The following RBFOX1 variants were observed in gnomAD, a reference collection of about 807,000 sequenced individuals.
The protein encoded by RBFOX1 is RNA binding fox-1 homolog 1, also known as RNA binding protein fox-1 homolog 1.
Under a neutral mutation model 57.7 loss-of-function variants are expected in RBFOX1, and 8 were observed. The observed-to-expected ratio is 0.14, with a 90% CI of 0.08 to 0.25. The LOEUF is 0.25. Ranked by LOEUF, RBFOX1 falls within the 10% of genes least tolerant of loss-of-function variation. RBFOX1 has a pLI of 1.00. For synonymous variants in RBFOX1, 326 were observed against 222.4 expected (o/e 1.47, Z -4.15); for missense variants, 611 against 548.5 (o/e 1.11, Z -1.14).
At chr16:6,429,600 A>G (rs2094021095) in intron 2 of RBFOX1, among the ~76,000 whole-genome samples, 1 of 152,204 alleles carries the variant, frequency 6.6e-6, no homozygotes, top group African/African-American at 2.4e-5. Flanking sequence ...GAAATGTAAT[A>G]ATCCCCATGT....
chr16:5,924,825 C>G (rs2058908260), intron 4 of RBFOX1, among the ~76,000 whole-genome samples: 1 of 152,152 alleles, frequency 6.6e-6, no homozygotes, highest in African/African-American at 2.4e-5. Context: ...TGTGTTCCTT[C>G]CCAAGGATGG....
At chr16:5,825,057 A>C (rs181405490) in intron 3 of RBFOX1, among the ~76,000 whole-genome samples, 337 of 152,308 alleles carry the variant, frequency 2.2e-3, no homozygotes, top group Admixed American at 6.6e-3. Flanking sequence ...GGAGAGTTTG[A>C]CTAAGAAGTT....
At chr16:6,103,641 A>G (rs561202081) in intron 1 of RBFOX1, among the ~76,000 whole-genome samples, 1 of 152,240 alleles carries the variant, frequency 6.6e-6, no homozygotes, top group Non-Finnish European at 1.5e-5. Context: ...CCCTTGAATC[A>G]TCCAACCAAG....
At chr16:6,581,116 C>A (rs7194539) in intron 2 of RBFOX1, among the ~76,000 whole-genome samples, 75,927 of 151,312 alleles carry the variant, frequency 0.5, 19,575 homozygotes, top group East Asian at 0.67. Flanking sequence ...CCCATATACT[C>A]TAAGTGCCAG....
At chr16:5,559,754 T>C (rs2045823626) in intron 2 of RBFOX1, among the ~76,000 whole-genome samples, 4 of 152,220 alleles carry the variant, frequency 2.6e-5, no homozygotes, top group Admixed American at 2.6e-4. Context: ...AAGTCTTCAG[T>C]GATAACCACT....
At chr16:5,318,939 A>G (rs1451977050) in intron 1 of RBFOX1, among the ~76,000 whole-genome samples, 2 of 152,122 alleles carry the variant, frequency 1.3e-5, no homozygotes, top group African/African-American at 4.8e-5. Context: ...CAGCCTGGTC[A>G]GCATGGTGAA....
At chr16:5,335,376 G>C (rs957529842) in intron 1 of RBFOX1, among the ~76,000 whole-genome samples, 1 of 152,214 alleles carries the variant, frequency 6.6e-6, no homozygotes. Flanking sequence ...TAGGAGTTCA[G>C]ATTCAAAAGG....
At chr16:7,002,556 A>G (rs1168086650) in intron 3 of RBFOX1, among the ~76,000 whole-genome samples, 1 of 152,066 alleles carries the variant, frequency 6.6e-6, no homozygotes, top group African/African-American at 2.4e-5. Flanking sequence ...TACTAAAAAT[A>G]CAAAAATTTG....
At chr16:7,263,479 C>T (rs1287276677) in intron 4 of RBFOX1, among the ~76,000 whole-genome samples, 1 of 152,128 alleles carries the variant, frequency 6.6e-6, no homozygotes, top group Non-Finnish European at 1.5e-5. Context: ...CAATTTAAAC[C>T]AGTGTCTCTG....
At chr16:6,791,610 TCAGC>T (rs2082960012) in intron 3 of RBFOX1, among the ~76,000 whole-genome samples, 1 of 152,060 alleles carries the variant, frequency 6.6e-6, no homozygotes, top group Non-Finnish European at 1.5e-5. Context: ...AATACAAAAA[TCAGC>T]CAGGTGTAGT....
intron 2 of RBFOX1, among the ~76,000 whole-genome samples, chr16:6,494,019 C>T (rs557859977): frequency 1.3e-5 from 2 of 152,288 alleles, no homozygotes; most frequent in Non-Finnish European, 2.9e-5. Context: ...GTATTGAAAA[C>T]TTTCATTCCT....
At chr16:7,248,375 T>C (rs755525866) in intron 4 of RBFOX1, among the ~76,000 whole-genome samples, 2 of 152,220 alleles carry the variant, frequency 1.3e-5, no homozygotes, top group Non-Finnish European at 1.5e-5. Flanking sequence ...GGATGCCCTA[T>C]GTGGGTATCA....
intron 2 of RBFOX1, among the ~76,000 whole-genome samples, chr16:6,437,079 T>G (rs2094256271): frequency 6.6e-6 from 1 of 152,220 alleles, no homozygotes; most frequent in South Asian, 2.1e-4. Context: ...GTTCTTCATC[T>G]GGACTTAAAA....
At chr16:6,168,700 G>C (rs549947292) in intron 1 of RBFOX1, among the ~76,000 whole-genome samples, 1 of 152,140 alleles carries the variant, frequency 6.6e-6, no homozygotes. Context: ...CTGGGGGAGG[G>C]AAGGGGTCTT....
At chr16:5,644,398 T>C (rs1160314344) in intron 3 of RBFOX1, among the ~76,000 whole-genome samples, 1 of 152,184 alleles carries the variant, frequency 6.6e-6, no homozygotes, top group East Asian at 1.9e-4. Context: ...GAAATGCCCA[T>C]GGTAGAGGGA....
At chr16:5,523,896 G>T (rs2044127481) in intron 2 of RBFOX1, among the ~76,000 whole-genome samples, 1 of 152,170 alleles carries the variant, frequency 6.6e-6, no homozygotes, top group South Asian at 2.1e-4. Context: ...ATCCATCCTG[G>T]TTCGGCTGCA....
At chr16:5,814,941 GAAAAAAAAGAAAA>G (rs2055572547) in intron 3 of RBFOX1, among the ~76,000 whole-genome samples, 1 of 146,570 alleles carries the variant, frequency 6.8e-6, no homozygotes. Context: ...GTCTCAAAAA[GAAAAAAAAGAAAA>G]AAAAAAAATT....
intron 2 of RBFOX1, among the ~76,000 whole-genome samples, chr16:6,495,459 C>T (rs933347472): frequency 6.6e-6 from 1 of 151,942 alleles, no homozygotes; most frequent in Admixed American, 6.6e-5. Context: ...GATGTCCCCA[C>T]TTTCGTAGAT....
chr16:7,594,126 G>A (rs995893596), intron 7 of RBFOX1, among the ~76,000 whole-genome samples: 1 of 145,036 alleles, frequency 6.9e-6, no homozygotes, highest in Non-Finnish European at 1.5e-5. Context: ...CCCTCCCCCA[G>A]CCCCCCACCC....
Sources: allele counts gnomAD v4.1 joint callset (sites outside exome capture counted in the v4.1 genomes callset), GRCh38; gene constraint gnomAD v4.1.1; transcripts MANE v1.5; gene names NCBI Gene and HGNC (gene_info 2026-07-23, HGNC 2026-07-21).